The following PATJ variants were observed in gnomAD, a reference collection of about 807,000 sequenced individuals.
PATJ encodes the protein PATJ crumbs cell polarity complex component.
Under a neutral mutation model 224.9 loss-of-function variants are expected in PATJ, and 190 were observed. That is an observed-to-expected ratio of 0.84 (90% CI 0.75 to 0.95). PATJ has a LOEUF of 0.95. Among genes scored for constraint, PATJ ranks in the 40% least tolerant of loss-of-function variants. PATJ has a pLI of 0.00. For synonymous variants in PATJ, 769 were observed against 820.3 expected (o/e 0.94, Z 1.07); for missense variants, 2,121 against 2,270.3 (o/e 0.93, Z 1.34).
intron 33 of PATJ, among the ~76,000 whole-genome samples, chr1:62,098,367 AAAG>A (rs1333290212): frequency 6.6e-6 from 1 of 151,324 alleles, no homozygotes; most frequent in East Asian, 1.9e-4. Context: ...TCAAAAAAAA[AAAG>A]AAAAAAGAAA....
At chr1:61,935,648 G>A (rs1676737237) in intron 27 of PATJ, among the ~76,000 whole-genome samples, 1 of 152,064 alleles carries the variant, frequency 6.6e-6, no homozygotes, top group Non-Finnish European at 1.5e-5. Context: ...AGAATTAACT[G>A]GGTGTGTTGG....
chr1:61,946,891 T>A (rs186083491), intron 27 of PATJ, among the ~76,000 whole-genome samples: 2 of 152,312 alleles, frequency 1.3e-5, no homozygotes, highest in East Asian at 3.9e-4. Flanking sequence ...GCCTCATCCT[T>A]GGGATGCAAG....
intron 27 of PATJ, among the ~76,000 whole-genome samples, chr1:61,959,676 A>G (rs1680991930): frequency 6.6e-6 from 1 of 151,924 alleles, no homozygotes; most frequent in Non-Finnish European, 1.5e-5. Flanking sequence ...TCCTGGACTC[A>G]AGCAATCTTC....
chr1:61,788,776 G>A (rs1649138093), intron 8 of PATJ, among the ~76,000 whole-genome samples: 2 of 152,124 alleles, frequency 1.3e-5, no homozygotes, highest in South Asian at 4.1e-4. Context: ...CCAGATTCAA[G>A]CAATTCTCCT....
At chr1:61,891,842 A>G (rs1669648370) in intron 22 of PATJ, among the ~76,000 whole-genome samples, 3 of 152,192 alleles carry the variant, frequency 2.0e-5, no homozygotes, top group South Asian at 4.1e-4. Context: ...ATACACTCCA[A>G]TGAAGATAAG....
At chr1:62,051,500 T>C (rs1273459846) in intron 31 of PATJ, among the ~76,000 whole-genome samples, 2 of 152,154 alleles carry the variant, frequency 1.3e-5, no homozygotes, top group Admixed American at 6.6e-5. Context: ...CTAATTTTTA[T>C]ATTTTTAGTA....
intron 8 of PATJ, among the ~76,000 whole-genome samples, chr1:61,788,739 A>G (rs1164339581): frequency 6.6e-6 from 1 of 152,190 alleles, no homozygotes; most frequent in Admixed American, 6.5e-5. Flanking sequence ...CAGTGGCACT[A>G]TCTTGGCTCA....
At position 62,106,077 on chromosome 1, in the gene PATJ, TATAC is replaced by T. The variant is rs1240590558; in HGVS notation, c.4378-2358_4378-2355del. On this transcript the variant is annotated intron_variant, in intron 33 of 43. Coordinates refer to ENST00000642238, the MANE Select transcript of PATJ (RefSeq NM_001350145.3). ...AAAAAAAAAAAAATATATATATATA[TATAC>T]ACACACACACACACACACACACACA... Among the ~76,000 whole-genome samples, 3 of 16,488 alleles carry T rather than the reference TATAC, an allele frequency of 1.8e-4. No individual in the cohort carries two copies. In the East Asian group the frequency reaches 0.011, roughly 60 times the overall value. 10.8% of individuals were successfully genotyped at this position (16,488 alleles called of 152,430 possible). A position where few individuals can be genotyped will look rare whatever the true frequency, so the allele number is the denominator to read the frequency against.
intron 14 of PATJ, among the ~76,000 whole-genome samples, chr1:61,820,747 A>G (rs920487594): frequency 6.6e-6 from 1 of 152,380 alleles, no homozygotes; most frequent in African/African-American, 2.4e-5. Context: ...TCAAGCCAGT[A>G]TAAGACCCAG....
intron 27 of PATJ, among the ~76,000 whole-genome samples, chr1:61,947,816 A>G (rs1678994582): frequency 6.6e-6 from 1 of 152,224 alleles, no homozygotes; most frequent in Admixed American, 6.5e-5. Flanking sequence ...TTCAAACTGT[A>G]CTACAAGGCT....
chr1:62,001,615 C>T (rs554427313), intron 28 of PATJ, among the ~76,000 whole-genome samples: 3 of 151,820 alleles, frequency 2.0e-5, no homozygotes, highest in Non-Finnish European at 4.4e-5. Flanking sequence ...AATCAGGTAG[C>T]GTGATGCCTC....
At chr1:61,914,313 G>A (rs1673106335) in intron 25 of PATJ, among the ~76,000 whole-genome samples, 1 of 152,060 alleles carries the variant, frequency 6.6e-6, no homozygotes, top group Admixed American at 6.6e-5. Context: ...AAAATTAGCT[G>A]GGTGTGGTGG....
At chr1:62,145,067 G>A (rs887071875) in intron 41 of PATJ, among the ~76,000 whole-genome samples, 6 of 151,888 alleles carry the variant, frequency 4.0e-5, no homozygotes, top group Admixed American at 2.0e-4. Context: ...CGCCCACCTC[G>A]GCTTCCAAAA....
rs532500042 is a variant in PATJ at position 61,992,732 on chromosome 1, G to A, written c.3867+2368G>A. ...ATTAGACAGTGGTAACAAATGAGCT[G>A]TGGCTGCAGAGTAATGAGAGTGTTT... On this transcript the variant is annotated intron_variant, in intron 28 of 43. Coordinates refer to ENST00000642238, the MANE Select transcript of PATJ (RefSeq NM_001350145.3). Among the ~76,000 whole-genome samples the A allele has an allele frequency of 8.1e-4, 123 of 152,282 alleles. 2 individuals are homozygous for A. The South Asian group carries it at 0.022, about 27-fold the overall frequency.
At chr1:61,849,371 G>A (rs1269401920) in intron 17 of PATJ, among the ~76,000 whole-genome samples, 1 of 152,148 alleles carries the variant, frequency 6.6e-6, no homozygotes, top group African/African-American at 2.4e-5. Flanking sequence ...TGAGGTGGGA[G>A]GATCCCTTAG....
intron 4 of PATJ, among the ~76,000 whole-genome samples, chr1:61,767,620 T>C (rs192521286): frequency 1.1e-4 from 17 of 152,208 alleles, no homozygotes; most frequent in Admixed American, 2.0e-4. Context: ...TTAAATAATA[T>C]TCTGGTCCTA....
intron 15 of PATJ, among the ~76,000 whole-genome samples, chr1:61,824,278 T>C (rs941489597): frequency 7.9e-5 from 12 of 151,674 alleles, no homozygotes; most frequent in African/African-American, 2.7e-4. Flanking sequence ...TTGCCCAAGC[T>C]GGTCTCAAAC....
At chr1:61,962,463 A>G (rs1681451117) in intron 27 of PATJ, among the ~76,000 whole-genome samples, 1 of 152,204 alleles carries the variant, frequency 6.6e-6, no homozygotes, top group Non-Finnish European at 1.5e-5. Flanking sequence ...AGTTATTTTT[A>G]CAAAGCAGTT....
chr1:61,955,123 C>T (rs1386038221), intron 27 of PATJ, among the ~76,000 whole-genome samples: 1 of 152,064 alleles, frequency 6.6e-6, no homozygotes, highest in Non-Finnish European at 1.5e-5. Flanking sequence ...TACATCTATT[C>T]CATGTTAGTA....
Sources: allele counts gnomAD v4.1 joint callset (sites outside exome capture counted in the v4.1 genomes callset), GRCh38; gene constraint gnomAD v4.1.1; transcripts MANE v1.5; gene names NCBI Gene and HGNC (gene_info 2026-07-23, HGNC 2026-07-21).